Variants in PRELID2 observed in about 807,000 individuals in gnomAD.
PRELID2 encodes PRELI domain-containing protein 2.
PRELID2 carries 25 observed loss-of-function variants against 28.4 expected under a neutral mutation model. That is an observed-to-expected ratio of 0.88 (90% CI 0.64 to 1.23). PRELID2 has a LOEUF of 1.23. PRELID2 is among the 50% of genes most tolerant of loss of function. The pLI is 0.00. For synonymous variants in PRELID2, 76 were observed against 71.6 expected, an observed-to-expected ratio of 1.06 and a Z score of -0.31; for missense variants, 201 against 214.4, an observed-to-expected ratio of 0.94 and a Z score of 0.39.
the PRELID2 span, among the ~76,000 whole-genome samples, chr5:145,407,969 C>A: frequency 6.6e-6 from 1 of 152,116 alleles, no homozygotes; most frequent in Non-Finnish European, 1.5e-5. Flanking sequence ...TGAATCACAT[C>A]ACAGGACTCT....
intron 1 of PRELID2, among the ~76,000 whole-genome samples, chr5:145,491,750 C>T (rs1240017990): frequency 1.3e-5 from 2 of 151,922 alleles, no homozygotes; most frequent in South Asian, 2.1e-4. Flanking sequence ...TTTTCTACTT[C>T]TATGAGATCA....
chr5:145,306,702 ATAAC>A, the PRELID2 span, among the ~76,000 whole-genome samples: 1 of 152,064 alleles, frequency 6.6e-6, no homozygotes, highest in Admixed American at 6.5e-5. Context: ...TTATAATAAT[ATAAC>A]TAGTGATTTT....
At chr5:145,370,138 G>T in the PRELID2 span, among the ~76,000 whole-genome samples, 1 of 152,010 alleles carries the variant, frequency 6.6e-6, no homozygotes, top group Non-Finnish European at 1.5e-5. Flanking sequence ...GATCCCATTT[G>T]TCAATTTTGG....
intron 1 of PRELID2, among the ~76,000 whole-genome samples, chr5:145,586,484 G>T (rs1484529831): frequency 6.6e-6 from 1 of 152,002 alleles, no homozygotes; most frequent in Non-Finnish European, 1.5e-5. Flanking sequence ...CCCTAAAAAA[G>T]AAAAATTAAT....
chr5:145,763,776 A>G (rs905328641), intron 6 of PRELID2, among the ~76,000 whole-genome samples: 1 of 152,192 alleles, frequency 6.6e-6, no homozygotes, highest in Non-Finnish European at 1.5e-5. Flanking sequence ...CAACTCTCAG[A>G]TGTTAAAAAC....
At chr5:145,594,266 CA>C (rs1479251156) in intron 1 of PRELID2, among the ~76,000 whole-genome samples, 1 of 152,092 alleles carries the variant, frequency 6.6e-6, no homozygotes, top group Non-Finnish European at 1.5e-5. Flanking sequence ...CCTATTTCCC[CA>C]CACCCATACT....
At chr5:145,775,412 A>T (rs10069496) in intron 5 of PRELID2, among the ~76,000 whole-genome samples, 1 of 152,194 alleles carries the variant, frequency 6.6e-6, no homozygotes, top group Non-Finnish European at 1.5e-5. Context: ...AATAATTTCC[A>T]TCTACATCTG....
chr5:145,640,477 A>G (rs1754084545), intron 1 of PRELID2, among the ~76,000 whole-genome samples: 1 of 125,532 alleles, frequency 8.0e-6, no homozygotes, highest in Non-Finnish European at 1.6e-5. Context: ...CTCCGTCTCA[A>G]AAAAAAAAAA....
chr5:145,629,708 G>A (rs975827425), intron 1 of PRELID2, among the ~76,000 whole-genome samples: 1 of 152,066 alleles, frequency 6.6e-6, no homozygotes, highest in East Asian at 1.9e-4. Flanking sequence ...TATAAATGAG[G>A]AAACTGAGGC....
At chr5:145,827,152 A>C (rs957542142) in intron 1 of PRELID2, among the ~76,000 whole-genome samples, 4 of 152,176 alleles carry the variant, frequency 2.6e-5, no homozygotes, top group Non-Finnish European at 5.9e-5. Flanking sequence ...GCATTAAGGG[A>C]ATCTGTTATC....
At chr5:145,435,780 A>G in the PRELID2 span, among the ~76,000 whole-genome samples, 1,855 of 152,284 alleles carry the variant, frequency 0.012, 16 homozygotes, top group Middle Eastern at 0.031. Flanking sequence ...GCAGTGTACT[A>G]TGATAGGTAA....
intron 1 of PRELID2, among the ~76,000 whole-genome samples, chr5:145,481,534 C>A: frequency 6.9e-6 from 1 of 145,458 alleles, no homozygotes. Flanking sequence ...ATTGGATCTT[C>A]TGGTCCAAAT....
At chr5:145,824,220 G>C (rs79355297) in intron 1 of PRELID2, among the ~76,000 whole-genome samples, 1 of 152,052 alleles carries the variant, frequency 6.6e-6, no homozygotes, top group African/African-American at 2.4e-5. Flanking sequence ...GTTTACCGAC[G>C]TATCATGTGA....
intron 1 of PRELID2, among the ~76,000 whole-genome samples, chr5:145,750,934 A>G (rs1378976666): frequency 6.6e-6 from 1 of 152,206 alleles, no homozygotes; most frequent in Non-Finnish European, 1.5e-5. Flanking sequence ...TGATTTTAAC[A>G]AGCACCCTGG....
intron 4 of PRELID2, among the ~76,000 whole-genome samples, chr5:145,814,260 A>G (rs1414539665): frequency 6.6e-6 from 1 of 152,218 alleles, no homozygotes; most frequent in African/African-American, 2.4e-5. Context: ...AATAGCTCAA[A>G]TATGTGCAAA....
the PRELID2 span, among the ~76,000 whole-genome samples, chr5:145,307,434 C>T: frequency 2.0e-5 from 3 of 152,120 alleles, no homozygotes; most frequent in Non-Finnish European, 2.9e-5. Flanking sequence ...TGTTGAAGAC[C>T]TTCTGTTACT....
At chr5:145,671,983 GCTTTA>G (rs1445819169) in intron 1 of PRELID2, among the ~76,000 whole-genome samples, 2 of 152,152 alleles carry the variant, frequency 1.3e-5, no homozygotes, top group East Asian at 3.8e-4. Flanking sequence ...TTGCCCAAGT[GCTTTA>G]CTTTATTTTC....
At chr5:145,283,749 T>C in the PRELID2 span, among the ~76,000 whole-genome samples, 1 of 152,200 alleles carries the variant, frequency 6.6e-6, no homozygotes, top group African/African-American at 2.4e-5. Context: ...GATGAGTATA[T>C]GGGGCAATAT....
At chr5:145,421,293 G>T in the PRELID2 span, among the ~76,000 whole-genome samples, 1 of 148,278 alleles carries the variant, frequency 6.7e-6, no homozygotes. Flanking sequence ...GATTGGAATA[G>T]TTTCAGAAGG....
Sources: gnomAD v4.1 joint callset for allele counts (sites outside exome capture counted in the v4.1 genomes callset) on GRCh38, gnomAD v4.1.1 for gene constraint, MANE v1.5 for transcripts, NCBI Gene and HGNC (gene_info 2026-07-23, HGNC 2026-07-21) for gene names.